QSOX1: variants seen among roughly 807,000 people sequenced by gnomAD.
QSOX1 encodes quiescin sulfhydryl oxidase 1.
A neutral mutation model predicts 76.1 loss-of-function variants in QSOX1; 40 were observed. The ratio of observed to expected loss-of-function variants is 0.53; its 90% CI spans 0.41 to 0.68. QSOX1 has a LOEUF of 0.68. Ranked by LOEUF, QSOX1 falls within the 30% of genes least tolerant of loss-of-function variation. The probability of loss-of-function intolerance (pLI) is 0.00; values close to 1 mark genes in which losing one functional copy is unlikely to be tolerated. For synonymous variants in QSOX1, 392 were observed against 413.1 expected (o/e 0.95, Z 0.62); for missense variants, 931 against 974.3 (o/e 0.96, Z 0.59).
At chr1:180,173,685 A>G (rs540032698) in intron 2 of QSOX1, among the ~76,000 whole-genome samples, 19 of 152,102 alleles carry the variant, frequency 1.2e-4, no homozygotes, top group Non-Finnish European at 2.8e-4. Context: ...TCTGCCTACA[A>G]ATGTCTGTAA....
At chr1:180,167,464 G>T (rs1001249237) in intron 2 of QSOX1, among the ~76,000 whole-genome samples, 2 of 152,186 alleles carry the variant, frequency 1.3e-5, no homozygotes, top group African/African-American at 4.8e-5. Context: ...TCTGAGCTGG[G>T]GGTAGGGGCA....
intron 1 of QSOX1, among the ~76,000 whole-genome samples, chr1:180,163,626 A>C (rs1662543654): frequency 6.6e-6 from 1 of 152,256 alleles, no homozygotes; most frequent in South Asian, 2.1e-4. Flanking sequence ...TTAATGTTTC[A>C]GTATTTTAAT....
At chr1:180,179,245 T>A (rs1251495524) in intron 5 of QSOX1, among the ~76,000 whole-genome samples, 2 of 152,298 alleles carry the variant, frequency 1.3e-5, no homozygotes, top group East Asian at 3.9e-4. Flanking sequence ...TTGAACCAGG[T>A]CCGTCTGGCT....
intron 10 of QSOX1, 81 bp downstream of exon 10, chr1:180,190,661 C>A (rs1663286567): frequency 7.1e-7 from 1 of 1,405,720 alleles, no homozygotes; most frequent in African/African-American, 2.1e-5. Context: ...GGCAGGGAAG[C>A]TCCCTTGAAT....
At chr1:180,188,723 C>T (rs1663233759) in intron 8 of QSOX1, among the ~76,000 whole-genome samples, 1 of 152,236 alleles carries the variant, frequency 6.6e-6, no homozygotes. Flanking sequence ...TCCTTCTCCT[C>T]TCAAATGTTT....
chr1:180,197,739 C>T lies in QSOX1; in HGVS notation c.*702C>T, dbSNP rs1663537040. The T allele has an allele frequency of 3.4e-6, 1 of 290,278 alleles. No homozygotes were observed. The highest frequency in any genetic ancestry group is 2.2e-5 in the African/African-American group (1 of 45,938). 18.0% of individuals were successfully genotyped at this position (290,278 alleles called of 1,614,324 possible). On this transcript the variant is annotated 3_prime_UTR_variant, in exon 12 of 12. Coordinates refer to ENST00000367602, the MANE Select transcript of QSOX1 (RefSeq NM_002826.5). ...ATGGGAAGGATGTGGGTCTCTAGTG[C>T]CTTGCCCTGGCTTAGCTGCAGGAGA...
rs1663491366 is a variant in QSOX1 at position 180,196,470 on chromosome 1, A to G, written c.1677A>G (p.Ala559=). The G allele has an allele frequency of 6.2e-7, 1 of 1,613,950 alleles. No homozygotes were observed. Among genetic ancestry groups the G allele is most frequent in the Non-Finnish European group, 8.5e-7 (1 of 1,179,816 alleles). The change falls in exon 12 of 12, where the codon GCA becomes GCG. Residue 559 remains alanine (A), a synonymous_variant. Transcript: ENST00000367602. This position sits in a 1 kb window ranked among gnomAD's most constrained non-coding sequence, Gnocchi z 4.1. ...CCCGGAGGGATGTGCAGAATGTGGC[A>G]GCCGCCCCAGAGCTGGCGATGGGAG... ...SAARRDVQNV[A]AAPELAMGAL... is the part of the protein sequence containing the mutation.
At chr1:180,173,964 G>A (rs1302107614) in intron 2 of QSOX1, among the ~76,000 whole-genome samples, 1 of 152,200 alleles carries the variant, frequency 6.6e-6, no homozygotes, top group Non-Finnish European at 1.5e-5. Flanking sequence ...GAGCAAAGCA[G>A]AACCAGTCCT....
chr1:180,163,506 A>G (rs575805767), intron 1 of QSOX1, among the ~76,000 whole-genome samples: 2 of 152,236 alleles, frequency 1.3e-5, no homozygotes, highest in East Asian at 3.8e-4. Context: ...CATAATTTCT[A>G]GAAACATGTT....
chr1:180,187,076 G>T (rs1450614374), intron 8 of QSOX1, among the ~76,000 whole-genome samples: 1 of 152,170 alleles, frequency 6.6e-6, no homozygotes, highest in Non-Finnish European at 1.5e-5. Context: ...CCTCAGTGTG[G>T]GTCTGCAGGA....
chr1:180,190,759 C>T (rs540681256), intron 10 of QSOX1, among the ~76,000 whole-genome samples, 179 bp downstream of exon 10: 4 of 152,302 alleles, frequency 2.6e-5, no homozygotes, highest in South Asian at 2.1e-4. Context: ...TAGCCCCACA[C>T]GGCCAGAATA....
intron 5 of QSOX1, among the ~76,000 whole-genome samples, chr1:180,180,670 A>G (rs747576915): frequency 1.3e-5 from 2 of 152,156 alleles, no homozygotes; most frequent in East Asian, 1.9e-4. Context: ...GCCCGCCACC[A>G]CACCAGGCTA....
chr1:180,190,442 C>G lies in QSOX1; in HGVS notation c.1150C>G (p.Leu384Val), dbSNP rs572991409. 4.3e-6 allele frequency: 7 copies of G among 1,613,606 alleles called. No individual in the cohort carries two copies. The South Asian group carries it at 7.7e-5, about 18-fold the overall frequency. The change falls in exon 10 of 12, where the codon CTT (leucine) becomes GTT (valine). Residue 384 changes from leucine (L) to valine (V), a missense_variant. Leu to Val is a conservative substitution (Grantham distance 32, BLOSUM62 1). Transcript: ENST00000367602. ...ALDDRKEGAV[L>V]AKKVNWIGCQ... is the part of the protein sequence containing the mutation. ...CTCATGTGTCCCTCAGGGTGCCGTT[C>G]TTGCCAAGAAGGTGAACTGGATTGG...
chr1:180,198,994 TTAG>T lies in QSOX1; in HGVS notation c.*1959_*1961del, dbSNP rs758022049. ...AGTGACGGTATTTCTAAAGCCAAAC[TTAG>T]TTACCTAGAATTAGCGCCATGTTGG... On this transcript the variant is annotated 3_prime_UTR_variant, in exon 12 of 12. Coordinates refer to ENST00000367602, the MANE Select transcript of QSOX1 (RefSeq NM_002826.5). The T allele has an allele frequency of 1.2e-4, 19 of 157,532 alleles. No homozygotes were observed. Among genetic ancestry groups the T allele is most frequent in the Non-Finnish European group, 2.0e-4 (14 of 71,146 alleles). The allele number at this position is 157,532 out of a possible 1,614,324, so 9.8% of individuals were successfully genotyped here.
intron 9 of QSOX1, among the ~76,000 whole-genome samples, chr1:180,189,986 T>C (rs1663270155): frequency 6.6e-6 from 1 of 152,208 alleles, no homozygotes; most frequent in Non-Finnish European, 1.5e-5. Flanking sequence ...GATGAAAACT[T>C]GGTGAGACCC....
chr1:180,187,843 G>A (rs1663212208), intron 8 of QSOX1, among the ~76,000 whole-genome samples: 1 of 152,336 alleles, frequency 6.6e-6, no homozygotes, highest in African/African-American at 2.4e-5. Context: ...GCATGGGCCT[G>A]GAGACCCTCT....
intron 5 of QSOX1, among the ~76,000 whole-genome samples, chr1:180,179,229 A>G (rs3843271): frequency 0.73 from 111,676 of 152,170 alleles, 41,351 homozygotes; most frequent in Non-Finnish European, 0.78. Flanking sequence ...TTGGTAGAAG[A>G]GGGCTTTGAA....
intron 2 of QSOX1, among the ~76,000 whole-genome samples, chr1:180,167,524 G>T (rs758832571): frequency 4.6e-5 from 7 of 152,174 alleles, no homozygotes; most frequent in Non-Finnish European, 7.3e-5. Flanking sequence ...AATTACCCCA[G>T]CAGCATCCAT....
At position 180,178,812 on chromosome 1, in the gene QSOX1, A is replaced by T. The variant is rs1572046785; in HGVS notation, c.534A>T (p.Gly178=). ...CTTGCAGGCTGGAGGAGATTGATGG[A>T]TTCTTTGCGAGAAATAACGAAGAGT... ...LEPAKLEEID[G]FFARNNEEYL... is the part of the protein sequence containing the mutation. The change falls in exon 5 of 12, where the codon GGA becomes GGT. Residue 178 remains glycine (G), a synonymous_variant. Coordinates refer to ENST00000367602, the MANE Select transcript of QSOX1 (RefSeq NM_002826.5). 5 of 1,613,844 alleles carry T rather than the reference A, an allele frequency of 3.1e-6. No individual in the cohort carries two copies. Among genetic ancestry groups the T allele is most frequent in the Non-Finnish European group, 4.2e-6 (5 of 1,179,740 alleles).
Sources: gnomAD v4.1 joint callset for allele counts (sites outside exome capture counted in the v4.1 genomes callset) on GRCh38, gnomAD v4.1.1 for gene constraint, Gnocchi (gnomAD v3.1) non-coding constraint, MANE v1.5 for transcripts, NCBI Gene and HGNC (gene_info 2026-07-23, HGNC 2026-07-21) for gene names.